PRDM5: variants seen among roughly 807,000 people sequenced by gnomAD.
The protein encoded by PRDM5 is PR/SET domain 5, also known as PR domain zinc finger protein 5.
PRDM5 carries 56 observed loss-of-function variants against 81.2 expected under a neutral mutation model. The ratio of observed to expected loss-of-function variants is 0.69; its 90% CI spans 0.56 to 0.86. The LOEUF (loss-of-function observed/expected upper bound fraction) is 0.86, where lower values mean the gene tolerates loss of function less well. PRDM5 is among the 40% of genes least tolerant of loss of function. PRDM5 has a pLI of 0.00. For missense variants in PRDM5, 697 were observed against 770.1 expected, an observed-to-expected ratio of 0.91 and a Z score of 1.12; for synonymous variants, 267 against 256.4, an observed-to-expected ratio of 1.04 and a Z score of -0.39.
intron 14 of PRDM5, among the ~76,000 whole-genome samples, chr4:120,747,243 A>T (rs1037771151): frequency 7.1e-6 from 1 of 141,332 alleles, no homozygotes. Context: ...ATGAGATCAC[A>T]TGGACACAGG....
Position 120,839,008 on chromosome 4 carries a change from T to C in PRDM5, c.300+14410A>G, listed in dbSNP as rs1163579786. The C allele has an allele frequency of 3.1e-5, 17 of 550,638 alleles. No individual in the cohort carries two copies. In the East Asian group the frequency reaches 4.8e-4, roughly 16 times the overall value. The allele number at this position is 550,638 out of a possible 1,614,324, so 34.1% of individuals were successfully genotyped here. On this transcript the variant is annotated intron_variant, in intron 3 of 15. Transcript: ENST00000264808. The stretch of plus-strand genomic sequence containing the variant: ...TGCCAGCTCTCTGCCAGGCTGCAGC[T>C]GGGACAGGCACACCGCAAGTAGCTT...
At chr4:120,714,994 T>C (rs529683028) in intron 14 of PRDM5, among the ~76,000 whole-genome samples, 2 of 152,288 alleles carry the variant, frequency 1.3e-5, no homozygotes, top group South Asian at 4.1e-4. Context: ...AGTACCAACC[T>C]TTACCAAAGG....
rs542993241 is a variant in PRDM5 at position 120,914,247 on chromosome 4, T to C, written c.94-6690A>G. On this transcript the variant is annotated intron_variant, in intron 1 of 15. Transcript: ENST00000264808. ...CATTAACTTCCCAATTAAATATCTT[T>C]ACAGAATGAATTGAAAGAAAGAGAT... 2.1e-4 allele frequency among the ~76,000 whole-genome samples: 32 copies of C among 151,494 alleles called. No homozygotes were observed. In the South Asian group the frequency reaches 6.7e-3, roughly 32 times the overall value.
At chr4:120,854,757 G>C (rs1327806189) in intron 2 of PRDM5, among the ~76,000 whole-genome samples, 1 of 151,942 alleles carries the variant, frequency 6.6e-6, no homozygotes, top group Non-Finnish European at 1.5e-5. Flanking sequence ...CTAAGAGAAG[G>C]GCTCTATTCC....
At chr4:120,902,065 A>T (rs190196262) in intron 2 of PRDM5, among the ~76,000 whole-genome samples, 2 of 152,344 alleles carry the variant, frequency 1.3e-5, no homozygotes, top group Non-Finnish European at 2.9e-5. Flanking sequence ...TTATCAGGGC[A>T]GTTTCTACAC....
chr4:120,865,118 C>T (rs2597553), intron 2 of PRDM5, among the ~76,000 whole-genome samples: 115,287 of 152,148 alleles, frequency 0.76, 43,849 homozygotes, highest in East Asian at 0.88. Context: ...CTTACACCAT[C>T]AAGTGCCTGA....
intron 8 of PRDM5, among the ~76,000 whole-genome samples, chr4:120,804,549 C>T (rs1164328961): frequency 6.6e-6 from 1 of 152,208 alleles, no homozygotes; most frequent in Non-Finnish European, 1.5e-5. Context: ...AAGAAACTCA[C>T]TCAAAACCAC....
intron 2 of PRDM5, among the ~76,000 whole-genome samples, chr4:120,867,856 C>T (rs1002601163): frequency 6.6e-6 from 1 of 152,182 alleles, no homozygotes; most frequent in African/African-American, 2.4e-5. Flanking sequence ...AAAACTTGGC[C>T]TGAGCACATA....
downstream of PRDM5, among the ~76,000 whole-genome samples, chr4:120,691,706 A>G (rs1734062902): frequency 6.6e-6 from 1 of 152,076 alleles, no homozygotes; most frequent in Admixed American, 6.6e-5. Context: ...AATATCTCTT[A>G]TAGCCCTGAG....
chr4:120,800,199 GA>G (rs2149288825), intron 8 of PRDM5, among the ~76,000 whole-genome samples: 1 of 152,250 alleles, frequency 6.6e-6, no homozygotes, highest in South Asian at 2.1e-4. Context: ...ACAGGATTCT[GA>G]AAAGCATTTA....
At chr4:120,872,220 C>A (rs1475682656) in intron 2 of PRDM5, among the ~76,000 whole-genome samples, 3 of 147,646 alleles carry the variant, frequency 2.0e-5, no homozygotes, top group Non-Finnish European at 3.0e-5. Flanking sequence ...GGGTGTAAAT[C>A]CAAAATAATT....
chr4:120,892,095 A>C (rs987761169), intron 2 of PRDM5, among the ~76,000 whole-genome samples: 1 of 151,678 alleles, frequency 6.6e-6, no homozygotes, highest in African/African-American at 2.4e-5. Context: ...CAAGTTGTTT[A>C]ATTTCCATAT....
chr4:120,807,945 A>G (rs1753230998), intron 8 of PRDM5, among the ~76,000 whole-genome samples: 1 of 151,484 alleles, frequency 6.6e-6, no homozygotes, highest in South Asian at 2.1e-4. Flanking sequence ...TGAGTGTTAC[A>G]GTTCTTAAAG....
intron 1 of PRDM5, among the ~76,000 whole-genome samples, chr4:120,915,211 C>T (rs547900547): frequency 2.0e-5 from 3 of 152,216 alleles, no homozygotes; most frequent in Admixed American, 2.0e-4. Context: ...ACTATCCTAA[C>T]AATGAGAATG....
intron 14 of PRDM5, among the ~76,000 whole-genome samples, chr4:120,735,695 G>A (rs1741000375): frequency 6.6e-6 from 1 of 152,116 alleles, no homozygotes; most frequent in Non-Finnish European, 1.5e-5. Context: ...AAAGCCCACT[G>A]GAAAGGGCTC....
chr4:120,840,754 C>T (rs183401786), intron 3 of PRDM5, among the ~76,000 whole-genome samples: 4 of 152,222 alleles, frequency 2.6e-5, no homozygotes, highest in Non-Finnish European at 5.9e-5. Flanking sequence ...AGCCCGGACA[C>T]ATCATGGTGG....
chr4:120,770,959 C>T (rs1747197435), intron 13 of PRDM5, among the ~76,000 whole-genome samples: 1 of 152,010 alleles, frequency 6.6e-6, no homozygotes, highest in Non-Finnish European at 1.5e-5. Flanking sequence ...GATAACTTTT[C>T]AATTATTTAA....
downstream of PRDM5, among the ~76,000 whole-genome samples, chr4:120,688,256 C>CT (rs71597087): frequency 1.5e-3 from 212 of 146,102 alleles, no homozygotes; most frequent in Middle Eastern, 3.6e-3. Context: ...TTTTTGTATG[C>CT]TTTTTTTTTT....
intron 14 of PRDM5, among the ~76,000 whole-genome samples, chr4:120,720,661 ACTT>A (rs1172404719): frequency 3.3e-5 from 5 of 152,018 alleles, no homozygotes; most frequent in Non-Finnish European, 5.9e-5. Flanking sequence ...TGCTTAGAAA[ACTT>A]CTTTTACAGA....
Sources: allele counts gnomAD v4.1 joint callset (sites outside exome capture counted in the v4.1 genomes callset), GRCh38; gene constraint gnomAD v4.1.1; transcripts MANE v1.5; gene names NCBI Gene and HGNC (gene_info 2026-07-23, HGNC 2026-07-21).